Variants in CNTNAP2 observed in about 807,000 individuals in gnomAD.
The protein encoded by CNTNAP2 is contactin associated protein 2, also known as contactin-associated protein-like 2.
Under a neutral mutation model 155.2 loss-of-function variants are expected in CNTNAP2, and 98 were observed. The observed-to-expected ratio is 0.63, with a 90% CI of 0.54 to 0.75. The LOEUF (loss-of-function observed/expected upper bound fraction) is 0.75, where lower values mean the gene tolerates loss of function less well. Ranked by LOEUF, CNTNAP2 falls within the 30% of genes least tolerant of loss-of-function variation. The pLI is 0.00. For synonymous variants in CNTNAP2, 651 were observed against 631.2 expected, an observed-to-expected ratio of 1.03 and a Z score of -0.47; for missense variants, 1,727 against 1,688.1, an observed-to-expected ratio of 1.02 and a Z score of -0.40.
chr7:147,004,980 A>G (rs1376917241), intron 3 of CNTNAP2, among the ~76,000 whole-genome samples: 5 of 152,120 alleles, frequency 3.3e-5, no homozygotes, highest in African/African-American at 1.2e-4. Context: ...TGTGTATTTA[A>G]ATAATACAGT....
chr7:147,446,300 A>T (rs996015889), intron 10 of CNTNAP2, among the ~76,000 whole-genome samples: 1 of 151,002 alleles, frequency 6.6e-6, no homozygotes, highest in East Asian at 2.0e-4. Context: ...AATTCCACTT[A>T]TGCCATTGCT....
intron 8 of CNTNAP2, among the ~76,000 whole-genome samples, chr7:147,268,698 T>C (rs1218649973): frequency 6.6e-6 from 1 of 152,208 alleles, no homozygotes. Flanking sequence ...GCATTAGGGA[T>C]GTCAGAAGGA....
chr7:147,833,699 A>T (rs1325824622), intron 13 of CNTNAP2, among the ~76,000 whole-genome samples: 1 of 152,202 alleles, frequency 6.6e-6, no homozygotes, highest in East Asian at 1.9e-4. Flanking sequence ...GCATGTCAGC[A>T]GGCCACTGCC....
At chr7:147,261,555 TAAA>T (rs562044500) in intron 8 of CNTNAP2, among the ~76,000 whole-genome samples, 2 of 146,822 alleles carry the variant, frequency 1.4e-5, no homozygotes, top group African/African-American at 5.0e-5. Flanking sequence ...AGGGATACTT[TAAA>T]AAAAAAAAAA....
intron 13 of CNTNAP2, among the ~76,000 whole-genome samples, chr7:147,900,214 C>T (rs575375354): frequency 7.9e-5 from 12 of 152,250 alleles, no homozygotes; most frequent in African/African-American, 2.6e-4. Flanking sequence ...ATCTCTGGTA[C>T]GGTTTGGCTG....
chr7:147,233,677 ACACATG>A (rs1215291825), intron 8 of CNTNAP2, among the ~76,000 whole-genome samples: 2 of 152,014 alleles, frequency 1.3e-5, no homozygotes, highest in African/African-American at 4.8e-5. Context: ...ACATACACAT[ACACATG>A]TAATTTATTT....
chr7:146,256,231 A>G (rs184220048), intron 1 of CNTNAP2, among the ~76,000 whole-genome samples: 1,951 of 152,222 alleles, frequency 0.013, 25 homozygotes, highest in Non-Finnish European at 0.019. Context: ...AAAATTGCCT[A>G]TGAGGTAAGT....
rs184408954 is a variant in CNTNAP2 at position 147,752,783 on chromosome 7, A to G, written c.2098+113477A>G. ...GGGATCAAATTATTTGCCAGAATTT[A>G]CTTCCTAATTTAAAGAGTTTAAATG... is the stretch of plus-strand genomic sequence containing the variant. On this transcript the variant is annotated intron_variant, in intron 13 of 23. Coordinates refer to ENST00000361727, the MANE Select transcript of CNTNAP2 (RefSeq NM_014141.6). 6.3e-3 allele frequency among the ~76,000 whole-genome samples: 962 copies of G among 152,312 alleles called. 7 individuals are homozygous for G. The highest frequency in any genetic ancestry group is 0.014 in the Admixed American group (210 of 15,296).
At chr7:148,229,863 T>A in intron 20 of CNTNAP2, 84 bp downstream of exon 20, 1 of 1,533,784 alleles carries the variant, frequency 6.5e-7, no homozygotes, top group Non-Finnish European at 8.9e-7. Flanking sequence ...GGTTTTGTTT[T>A]GAGGGGATAG....
chr7:147,392,951 C>G (rs1320418016), intron 9 of CNTNAP2, among the ~76,000 whole-genome samples: 1 of 152,044 alleles, frequency 6.6e-6, no homozygotes, highest in Non-Finnish European at 1.5e-5. Context: ...TATGTGTCAC[C>G]TTAAAATTAA....
chr7:146,394,390 A>G (rs1440139671), intron 1 of CNTNAP2, among the ~76,000 whole-genome samples: 2 of 152,160 alleles, frequency 1.3e-5, no homozygotes, highest in Admixed American at 6.6e-5. Context: ...TCAGATTGCA[A>G]GGAAGAATCT....
At chr7:147,572,791 A>C (rs773665826) in intron 12 of CNTNAP2, among the ~76,000 whole-genome samples, 1 of 152,040 alleles carries the variant, frequency 6.6e-6, no homozygotes, top group Non-Finnish European at 1.5e-5. Context: ...ATCAAAAACC[A>C]CAGGAATAAT....
intron 19 of CNTNAP2, among the ~76,000 whole-genome samples, chr7:148,219,788 C>T (rs1795713077): frequency 6.6e-6 from 1 of 151,998 alleles, no homozygotes; most frequent in African/African-American, 2.4e-5. Context: ...AAGTGCAAGG[C>T]TGCAGTGAGC....
intron 1 of CNTNAP2, among the ~76,000 whole-genome samples, chr7:146,749,636 T>C (rs1336889466): frequency 1.3e-5 from 2 of 152,198 alleles, no homozygotes; most frequent in Non-Finnish European, 2.9e-5. Context: ...AGACATCAAC[T>C]AAAGTAGTTC....
chr7:147,426,038 T>A (rs1797372595), intron 10 of CNTNAP2, among the ~76,000 whole-genome samples: 1 of 152,130 alleles, frequency 6.6e-6, no homozygotes, highest in Non-Finnish European at 1.5e-5. Context: ...GATTAAAAAA[T>A]CAGTAATTTG....
intron 15 of CNTNAP2, among the ~76,000 whole-genome samples, chr7:148,111,416 T>C (rs930663759): frequency 6.6e-6 from 1 of 152,020 alleles, no homozygotes; most frequent in African/African-American, 2.4e-5. Context: ...GAAATAATAC[T>C]TGGAAATTTA....
intron 1 of CNTNAP2, among the ~76,000 whole-genome samples, chr7:146,665,885 A>T (rs1225152962): frequency 1.3e-5 from 2 of 151,802 alleles, no homozygotes; most frequent in Non-Finnish European, 2.9e-5. Context: ...ATTTATGTAT[A>T]ATATGTAAAT....
chr7:146,817,137 C>T (rs1383788374), intron 2 of CNTNAP2, among the ~76,000 whole-genome samples: 1 of 152,078 alleles, frequency 6.6e-6, no homozygotes, highest in African/African-American at 2.4e-5. Context: ...GTTACATAAA[C>T]AGTGTCAAAT....
intron 1 of CNTNAP2, among the ~76,000 whole-genome samples, chr7:146,262,909 A>C (rs2129081862): frequency 6.6e-6 from 1 of 152,362 alleles, no homozygotes; most frequent in East Asian, 1.9e-4. Flanking sequence ...TCTGATCCTT[A>C]AAACCTTAAT....
Sources: allele counts gnomAD v4.1 joint callset (sites outside exome capture counted in the v4.1 genomes callset), GRCh38; gene constraint gnomAD v4.1.1; transcripts MANE v1.5; gene names NCBI Gene and HGNC (gene_info 2026-07-23, HGNC 2026-07-21).